Variants in TYW1B observed in about 807,000 individuals in gnomAD.
TYW1B encodes tRNA-yW synthesizing protein 1 homolog B.
A neutral mutation model predicts 86.9 loss-of-function variants in TYW1B; 73 were observed. That is an observed-to-expected ratio of 0.84 (90% confidence interval 0.70 to 1.02). The LOEUF (loss-of-function observed/expected upper bound fraction) is 1.02. Ranked by LOEUF, TYW1B falls within the 50% of genes least tolerant of loss-of-function variation. TYW1B has a pLI of 0.00. For missense variants in TYW1B, 637 were observed against 827.4 expected (o/e 0.77, Z 2.82); for synonymous variants, 248 against 292.8 (o/e 0.85, Z 1.56).
intron 11 of TYW1B, among the ~76,000 whole-genome samples, chr7:72,633,810 T>G (rs1812602123): frequency 6.6e-6 from 1 of 152,130 alleles, no homozygotes; most frequent in Non-Finnish European, 1.5e-5. Context: ...AACCATTCCC[T>G]AAACATTTGG....
At chr7:72,821,350 CA>C (rs1563106365) in intron 2 of TYW1B, among the ~76,000 whole-genome samples, 1 of 152,238 alleles carries the variant, frequency 6.6e-6, no homozygotes, top group African/African-American at 2.4e-5. Context: ...CAACCTTACA[CA>C]AAAAATACTA....
At chr7:72,670,336 C>T (rs1437991806) in intron 11 of TYW1B, among the ~76,000 whole-genome samples, 1 of 152,134 alleles carries the variant, frequency 6.6e-6, no homozygotes, top group Admixed American at 6.6e-5. Flanking sequence ...GGATTACAGG[C>T]GCCTACCACC....
intron 11 of TYW1B, among the ~76,000 whole-genome samples, chr7:72,651,682 TACCTTAAG>T (rs1813061603): frequency 6.6e-6 from 1 of 152,122 alleles, no homozygotes. Context: ...TGTATATACA[TACCTTAAG>T]TCCTTAAGTC....
intron 4 of TYW1B, among the ~76,000 whole-genome samples, 157 bp from the exon 5 acceptor site, chr7:72,807,513 C>T (rs2129572609): frequency 6.6e-6 from 1 of 152,244 alleles, no homozygotes; most frequent in South Asian, 2.1e-4. Context: ...AGCCTTCAAG[C>T]TCCAGCCTTG....
intron 6 of TYW1B, among the ~76,000 whole-genome samples, chr7:72,797,954 G>A (rs1788333394): frequency 6.6e-6 from 1 of 151,662 alleles, no homozygotes; most frequent in African/African-American, 2.4e-5. Flanking sequence ...ACAGATCGAT[G>A]TCAGAACATG....
chr7:72,593,922 T>A (rs1811466206), intron 13 of TYW1B, among the ~76,000 whole-genome samples: 1 of 147,932 alleles, frequency 6.8e-6, no homozygotes, highest in Admixed American at 6.8e-5. Flanking sequence ...ATATTACCAA[T>A]GGATCACAGA....
At chr7:72,646,572 C>T (rs1554442095) in intron 11 of TYW1B, among the ~76,000 whole-genome samples, 1 of 151,866 alleles carries the variant, frequency 6.6e-6, no homozygotes, top group African/African-American at 2.4e-5. Flanking sequence ...CGAGGTTTTG[C>T]TATGTTGCCC....
chr7:72,705,498 GCT>G (rs1182938615), intron 10 of TYW1B, among the ~76,000 whole-genome samples: 1 of 152,186 alleles, frequency 6.6e-6, no homozygotes, highest in African/African-American at 2.4e-5. Context: ...GCTGAACACA[GCT>G]CTGTCTTCTT....
chr7:72,651,616 A>G (rs373415407), intron 11 of TYW1B, among the ~76,000 whole-genome samples: 7 of 152,322 alleles, frequency 4.6e-5, no homozygotes, highest in African/African-American at 1.7e-4. Context: ...CTCCAACTCA[A>G]AAAAGTTAAA....
At chr7:72,739,040 T>C (rs2129571240) in intron 8 of TYW1B, among the ~76,000 whole-genome samples, 1 of 152,170 alleles carries the variant, frequency 6.6e-6, no homozygotes, top group South Asian at 2.1e-4. Flanking sequence ...GAGCTATGAT[T>C]GCACCACTGT....
At chr7:72,820,533 G>A (rs2129572913) in intron 2 of TYW1B, among the ~76,000 whole-genome samples, 1 of 152,266 alleles carries the variant, frequency 6.6e-6, no homozygotes, top group South Asian at 2.1e-4. Context: ...CATCTGGTGA[G>A]GGCTCCAGGC....
At chr7:72,609,431 T>C (rs1554435504) in intron 13 of TYW1B, among the ~76,000 whole-genome samples, 1 of 152,042 alleles carries the variant, frequency 6.6e-6, no homozygotes, top group Non-Finnish European at 1.5e-5. Context: ...TGGTGGCTCA[T>C]GCCTATAGTC....
intron 10 of TYW1B, among the ~76,000 whole-genome samples, chr7:72,696,576 T>A (rs1563062351): frequency 6.6e-6 from 1 of 152,192 alleles, no homozygotes; most frequent in Non-Finnish European, 1.5e-5. Flanking sequence ...TGTAAGATCT[T>A]GAAGAGCAAG....
At chr7:72,602,898 G>T (rs1250819441) in intron 13 of TYW1B, among the ~76,000 whole-genome samples, 1 of 145,626 alleles carries the variant, frequency 6.9e-6, no homozygotes, top group Non-Finnish European at 1.5e-5. Flanking sequence ...TGTTGATGGG[G>T]TTATGGCAAA....
chr7:72,673,763 G>A (rs1356574255), intron 11 of TYW1B, among the ~76,000 whole-genome samples: 2 of 152,100 alleles, frequency 1.3e-5, no homozygotes, highest in Non-Finnish European at 2.9e-5. Context: ...TAATCGGATT[G>A]TTTGTAACAC....
At chr7:72,624,446 TGCAAACTAAAA>T (rs1812293099) in intron 12 of TYW1B, among the ~76,000 whole-genome samples, 1 of 152,234 alleles carries the variant, frequency 6.6e-6, no homozygotes, top group Admixed American at 6.5e-5. Flanking sequence ...GGATGTAAAA[TGCAAACTAAAA>T]TTTAAAAAAT....
intron 9 of TYW1B, among the ~76,000 whole-genome samples, chr7:72,716,805 A>ATTT (rs71071904): frequency 0.011 from 1,513 of 136,330 alleles, 34 homozygotes; most frequent in East Asian, 0.051. Flanking sequence ...CGTCTGGCTA[A>ATTT]TTTTTTTTTT....
At chr7:72,793,360 AAATT>A (rs1263354850) in intron 6 of TYW1B, among the ~76,000 whole-genome samples, 1 of 152,004 alleles carries the variant, frequency 6.6e-6, no homozygotes, top group Non-Finnish European at 1.5e-5. Flanking sequence ...AAATAAAAAT[AAATT>A]AATTAATTAA....
chr7:72,643,495 G>A (rs1310813374), intron 11 of TYW1B, among the ~76,000 whole-genome samples: 1 of 151,940 alleles, frequency 6.6e-6, no homozygotes, highest in African/African-American at 2.4e-5. Context: ...GCTGAGGCAG[G>A]AGAACCGCTT....
Sources: allele counts gnomAD v4.1 joint callset (sites outside exome capture counted in the v4.1 genomes callset), GRCh38; gene constraint gnomAD v4.1.1; transcripts MANE v1.5; gene names NCBI Gene and HGNC (gene_info 2026-07-23, HGNC 2026-07-21).